Variants in MSRA observed in about 807,000 individuals in gnomAD.
MSRA encodes the protein methionine sulfoxide reductase A, also known as mitochondrial peptide methionine sulfoxide reductase.
In MSRA, 54 loss-of-function variants were observed where a neutral mutation model predicts 31.3. That is an observed-to-expected ratio of 1.73 (90% CI 1.39 to 2.17). The LOEUF (loss-of-function observed/expected upper bound fraction) is 2.17, where lower values mean the gene tolerates loss of function less well. MSRA is among the 30% of genes most tolerant of loss of function. The pLI is 0.00. For synonymous variants in MSRA, 169 were observed against 116.5 expected (o/e 1.45, Z -2.90); for missense variants, 507 against 300.9 (o/e 1.69, Z -5.07).
chr8:10,382,766 G>A (rs1183532872), intron 5 of MSRA, among the ~76,000 whole-genome samples: 1 of 152,192 alleles, frequency 6.6e-6, no homozygotes, highest in East Asian at 1.9e-4. Context: ...CCTTAGTCAT[G>A]GAAGGACAAG....
At chr8:10,175,538 G>C (rs1207221606) in intron 1 of MSRA, among the ~76,000 whole-genome samples, 1 of 152,144 alleles carries the variant, frequency 6.6e-6, no homozygotes, top group African/African-American at 2.4e-5. Context: ...ATGCTGGGTG[G>C]AAAATACCCT....
intron 1 of MSRA, among the ~76,000 whole-genome samples, chr8:10,058,537 T>C (rs760941574): frequency 6.6e-6 from 1 of 152,142 alleles, no homozygotes; most frequent in South Asian, 2.1e-4. Flanking sequence ...AAGAGTTACC[T>C]CCTCTCAAAG....
At chr8:10,064,971 C>T (rs951696975) in intron 1 of MSRA, among the ~76,000 whole-genome samples, 5 of 152,026 alleles carry the variant, frequency 3.3e-5, no homozygotes, top group South Asian at 2.1e-4. Context: ...AGTTGAAAAC[C>T]GCGTAAGAGT....
intron 3 of MSRA, among the ~76,000 whole-genome samples, chr8:10,279,744 C>T (rs908542748): frequency 6.6e-6 from 1 of 152,180 alleles, no homozygotes; most frequent in African/African-American, 2.4e-5. Flanking sequence ...CTGAATGTAG[C>T]GTCCATGCTG....
At chr8:10,345,853 A>C (rs948701281) in intron 5 of MSRA, among the ~76,000 whole-genome samples, 1 of 152,200 alleles carries the variant, frequency 6.6e-6, no homozygotes. Context: ...CCTGCATTCC[A>C]AATGGAGGCA....
chr8:10,074,571 C>G (rs998905945), intron 1 of MSRA, among the ~76,000 whole-genome samples: 13 of 152,152 alleles, frequency 8.5e-5, no homozygotes, highest in African/African-American at 2.9e-4. Flanking sequence ...TGTCCTGCAT[C>G]TCTACATTCA....
intron 5 of MSRA, among the ~76,000 whole-genome samples, chr8:10,393,948 C>A (rs886682168): frequency 6.6e-6 from 1 of 152,162 alleles, no homozygotes; most frequent in African/African-American, 2.4e-5. Flanking sequence ...TTGGTGATCA[C>A]ACAGCCATCC....
chr8:10,106,159 C>T (rs979702814), intron 1 of MSRA, among the ~76,000 whole-genome samples: 1 of 152,172 alleles, frequency 6.6e-6, no homozygotes, highest in East Asian at 1.9e-4. Flanking sequence ...GAAGAGTGGG[C>T]TTGCAAACCC....
intron 5 of MSRA, among the ~76,000 whole-genome samples, chr8:10,352,115 G>A (rs935604468): frequency 5.3e-5 from 8 of 152,178 alleles, no homozygotes; most frequent in African/African-American, 1.9e-4. Context: ...ATTGATCATT[G>A]GGCATCAGCT....
At chr8:10,174,802 C>T (rs1360095290) in intron 1 of MSRA, among the ~76,000 whole-genome samples, 1 of 152,190 alleles carries the variant, frequency 6.6e-6, no homozygotes, top group Non-Finnish European at 1.5e-5. Flanking sequence ...CAGAGATGCC[C>T]TCCGACGCTG....
chr8:10,375,582 G>C, intron 5 of MSRA, among the ~76,000 whole-genome samples: 1 of 152,160 alleles, frequency 6.6e-6, no homozygotes, highest in Admixed American at 6.5e-5. Context: ...AGGGAGTCAA[G>C]GATTCGAGGG....
At chr8:10,291,277 C>T (rs1006104001) in intron 3 of MSRA, among the ~76,000 whole-genome samples, 1 of 152,148 alleles carries the variant, frequency 6.6e-6, no homozygotes, top group African/African-American at 2.4e-5. Context: ...AATTCTCCAT[C>T]GTGTCTCCCC....
intron 3 of MSRA, among the ~76,000 whole-genome samples, chr8:10,291,291 G>A (rs191670745): frequency 6.6e-6 from 1 of 151,834 alleles, no homozygotes; most frequent in Admixed American, 6.6e-5. Context: ...TCTCCCCATG[G>A]CGGGCCAACA....
chr8:10,148,117 C>T (rs976107774), intron 1 of MSRA, among the ~76,000 whole-genome samples: 6 of 152,132 alleles, frequency 3.9e-5, no homozygotes, highest in African/African-American at 9.7e-5. Context: ...GGGCTCCTCT[C>T]GGCTCTGCAG....
intron 1 of MSRA, among the ~76,000 whole-genome samples, chr8:10,112,093 C>CT (rs36025052): frequency 0.2 from 29,804 of 151,670 alleles, 4,045 homozygotes; most frequent in East Asian, 0.55. Context: ...TCTTTGTTCT[C>CT]TAATTTTGTA....
chr8:10,163,504 C>T (rs1427537844), intron 1 of MSRA, among the ~76,000 whole-genome samples: 2 of 152,250 alleles, frequency 1.3e-5, no homozygotes, highest in Non-Finnish European at 2.9e-5. Context: ...GCTAGTCATT[C>T]TGCCCTTCAC....
chr8:10,081,870 C>T (rs1036933436), intron 1 of MSRA, among the ~76,000 whole-genome samples: 1 of 152,106 alleles, frequency 6.6e-6, no homozygotes, highest in African/African-American at 2.4e-5. Flanking sequence ...TGTTCTACCC[C>T]GAATTCTACC....
At chr8:10,303,180 G>A (rs1313573648) in intron 4 of MSRA, among the ~76,000 whole-genome samples, 8 of 152,218 alleles carry the variant, frequency 5.3e-5, no homozygotes, top group African/African-American at 2.4e-5. Flanking sequence ...GTGACAGGTC[G>A]GGTCTGTGTC....
chr8:10,416,813 T>C (rs1253367860), intron 5 of MSRA, among the ~76,000 whole-genome samples: 1 of 152,218 alleles, frequency 6.6e-6, no homozygotes, highest in Non-Finnish European at 1.5e-5. Context: ...AGGGCAGAGC[T>C]GTGGAGCCAA....
Sources: gnomAD v4.1 joint callset for allele counts (sites outside exome capture counted in the v4.1 genomes callset) on GRCh38, gnomAD v4.1.1 for gene constraint, MANE v1.5 for transcripts, NCBI Gene and HGNC (gene_info 2026-07-23, HGNC 2026-07-21) for gene names.